NAV2: variants seen among roughly 807,000 people sequenced by gnomAD.
The protein encoded by NAV2 is neuron navigator 2.
Under a neutral mutation model 223.2 loss-of-function variants are expected in NAV2, and 54 were observed. The ratio of observed to expected loss-of-function variants is 0.24; its 90% CI spans 0.19 to 0.30. The LOEUF is 0.30. Among genes scored for constraint, NAV2 ranks in the 10% least tolerant of loss-of-function variants. NAV2 has a pLI of 1.00. For synonymous variants in NAV2, 1,279 were observed against 1,239.3 expected (o/e 1.03, Z -0.67); for missense variants, 2,806 against 3,147.5 (o/e 0.89, Z 2.60).
rs1002491646 is a variant in NAV2 at position 19,998,880 on chromosome 11, ATT to A, written c.2768+14637_2768+14638del. On this transcript the variant is annotated intron_variant, in intron 11 of 37. Coordinates refer to ENST00000349880, the MANE Select transcript of NAV2 (RefSeq NM_145117.5). The surrounding 1 kb of genome is among the most constrained non-coding windows in gnomAD (Gnocchi z 5.0). ...ACATCTCTTACTTTCATGTGTGTTA[ATT>A]TTTATTTATTTGCCTGTTATGTCTT... 6.0e-5 allele frequency among the ~76,000 whole-genome samples: 9 copies of A among 150,154 alleles called. No homozygotes were observed. The highest frequency in any genetic ancestry group is 2.3e-4 in the African/African-American group (9 of 39,554).
chr11:19,676,552 T>C (rs1030981661), intron 1 of NAV2, among the ~76,000 whole-genome samples: 9 of 152,220 alleles, frequency 5.9e-5, no homozygotes, highest in African/African-American at 2.2e-4. Context: ...ACCAGTTTCC[T>C]GTAGCTTGGT....
intron 6 of NAV2, among the ~76,000 whole-genome samples, chr11:19,929,912 C>T (rs1308871504): frequency 6.6e-6 from 1 of 152,158 alleles, no homozygotes; most frequent in Non-Finnish European, 1.5e-5. Context: ...ATCACTTCCT[C>T]CAGGAAGTTT....
intron 20 of NAV2, among the ~76,000 whole-genome samples, chr11:20,063,303 A>G (rs1327862019): frequency 6.6e-6 from 1 of 152,242 alleles, no homozygotes; most frequent in East Asian, 1.9e-4. Flanking sequence ...GCCAAATGTA[A>G]TCAAATACAT....
chr11:19,366,136 G>A (rs1271601731), intron 1 of NAV2, among the ~76,000 whole-genome samples: 1 of 152,224 alleles, frequency 6.6e-6, no homozygotes, highest in Non-Finnish European at 1.5e-5. Flanking sequence ...CCCTGGAGGG[G>A]TGACCTCTCC....
intron 1 of NAV2, among the ~76,000 whole-genome samples, chr11:19,367,055 A>G (rs1848310408): frequency 6.6e-6 from 1 of 152,228 alleles, no homozygotes; most frequent in East Asian, 1.9e-4. Flanking sequence ...ACTGAGGCCC[A>G]GAATTGTCAT....
At chr11:19,702,615 T>C (rs1198243091) in intron 1 of NAV2, among the ~76,000 whole-genome samples, 4 of 151,752 alleles carry the variant, frequency 2.6e-5, no homozygotes, top group African/African-American at 9.7e-5. Flanking sequence ...CCTGTCTCTA[T>C]GAAAAATACA....
chr11:19,647,548 G>A (rs1235273412), intron 1 of NAV2, among the ~76,000 whole-genome samples: 1 of 152,080 alleles, frequency 6.6e-6, no homozygotes, highest in Non-Finnish European at 1.5e-5. Flanking sequence ...ACCGAGGCTT[G>A]GGAAGGCTCC....
intron 1 of NAV2, among the ~76,000 whole-genome samples, chr11:19,536,807 T>A (rs939845374): frequency 1.5e-4 from 23 of 152,174 alleles, no homozygotes; most frequent in African/African-American, 5.5e-4. Flanking sequence ...CAGGAAATGA[T>A]AATGGGGGCT....
At chr11:19,694,355 C>T (rs1023952728) in intron 1 of NAV2, among the ~76,000 whole-genome samples, 1 of 152,200 alleles carries the variant, frequency 6.6e-6, no homozygotes, top group Non-Finnish European at 1.5e-5. Context: ...ACAACCAGCT[C>T]TCTGCATGCA....
At chr11:19,718,566 C>T (rs1395980144) in intron 1 of NAV2, among the ~76,000 whole-genome samples, 1 of 152,224 alleles carries the variant, frequency 6.6e-6, no homozygotes, top group Non-Finnish European at 1.5e-5. Context: ...GATTAGAATC[C>T]TTGCTCCATC....
intron 1 of NAV2, among the ~76,000 whole-genome samples, chr11:19,554,319 A>T (rs895897826): frequency 1.9e-4 from 29 of 152,332 alleles, no homozygotes; most frequent in Admixed American, 1.9e-3. Context: ...CAGAGCCAGG[A>T]TTGAGTTTGG....
At chr11:19,844,770 C>G (rs2060694870) in intron 3 of NAV2, among the ~76,000 whole-genome samples, 1 of 151,564 alleles carries the variant, frequency 6.6e-6, no homozygotes, top group African/African-American at 2.4e-5. Context: ...ACTCTTTCAG[C>G]CATGCCAGTG....
At chr11:20,106,283 G>A (rs2062096332) in intron 35 of NAV2, among the ~76,000 whole-genome samples, 1 of 140,936 alleles carries the variant, frequency 7.1e-6, no homozygotes, top group Non-Finnish European at 1.5e-5. Context: ...TTTTGGCCGG[G>A]CATGGTGGCT....
chr11:19,810,885 T>G (rs1046821455), intron 1 of NAV2, among the ~76,000 whole-genome samples: 1 of 152,242 alleles, frequency 6.6e-6, no homozygotes, highest in Non-Finnish European at 1.5e-5. Context: ...TTTGTCACCG[T>G]TTCCCTTTGG....
At chr11:19,990,955 C>T (rs1440140153) in intron 11 of NAV2, among the ~76,000 whole-genome samples, 1 of 152,060 alleles carries the variant, frequency 6.6e-6, no homozygotes. Flanking sequence ...TGTAAACATG[C>T]CCTAATTCCA....
chr11:19,558,738 G>T (rs1336190556), intron 1 of NAV2, among the ~76,000 whole-genome samples: 4 of 152,170 alleles, frequency 2.6e-5, no homozygotes, highest in Non-Finnish European at 5.9e-5. Context: ...CCCCTGTACA[G>T]CCTGTGTTCC....
chr11:19,516,248 A>C (rs1385772970), intron 1 of NAV2, among the ~76,000 whole-genome samples: 1 of 152,172 alleles, frequency 6.6e-6, no homozygotes, highest in African/African-American at 2.4e-5. Context: ...GCTGCAAGTA[A>C]AAGGTGACAT....
At position 20,054,237 on chromosome 11, in the gene NAV2, C is replaced by T. The variant is rs1025351194; in HGVS notation, c.4639C>T (p.Leu1547Phe). 6.2e-7 allele frequency: 1 copy of T among 1,608,842 alleles called. No homozygotes were observed. The highest frequency in any genetic ancestry group is 1.3e-5 in the African/African-American group (1 of 74,672). Reference protein sequence around the residue: ...PSGTRFNFSQLASPTTVTQMS... With the variant: ...PSGTRFNFSQFASPTTVTQMS... ...CGGAACAAGATTCAACTTTTCCCAG[C>T]TTGGTGAGTAGCCACTTGTCATTAC... Residue 1547 changes from leucine (L) to phenylalanine (F), a missense_variant, in exon 18 of 38, where the codon CTT (leucine) becomes TTT (phenylalanine). Leu to Phe is a conservative substitution (Grantham distance 22, BLOSUM62 0). Coordinates refer to ENST00000349880, the MANE Select transcript of NAV2 (RefSeq NM_145117.5).
intron 1 of NAV2, among the ~76,000 whole-genome samples, chr11:19,796,150 A>C (rs2057875445): frequency 1.3e-5 from 2 of 152,228 alleles, no homozygotes; most frequent in Non-Finnish European, 2.9e-5. Context: ...TGGTACCTCA[A>C]ACAAGAAGAG....
Sources: gnomAD v4.1 joint callset for allele counts (sites outside exome capture counted in the v4.1 genomes callset) on GRCh38, gnomAD v4.1.1 for gene constraint, Gnocchi (gnomAD v3.1) non-coding constraint, MANE v1.5 for transcripts, NCBI Gene and HGNC (gene_info 2026-07-23, HGNC 2026-07-21) for gene names.